EFHD2: variants seen among roughly 807,000 people sequenced by gnomAD.
EFHD2 encodes EF-hand domain family member D2, also known as EF-hand domain-containing protein D2.
A neutral mutation model predicts 20.3 loss-of-function variants in EFHD2; 12 were observed. That is an observed-to-expected ratio of 0.59 (90% CI 0.38 to 0.96). The LOEUF is 0.96. EFHD2 is among the 40% of genes least tolerant of loss of function. EFHD2 has a pLI of 0.00. For synonymous variants in EFHD2, 131 were observed against 143.9 expected, an observed-to-expected ratio of 0.91 and a Z score of 0.64; for missense variants, 250 against 334.3, an observed-to-expected ratio of 0.75 and a Z score of 1.97.
chr1:15,415,645 T>C (rs1048318271), intron 1 of EFHD2, among the ~76,000 whole-genome samples: 6 of 152,152 alleles, frequency 3.9e-5, no homozygotes, highest in Non-Finnish European at 5.9e-5. Flanking sequence ...CACACCACCA[T>C]GCCTGGCTAA....
At chr1:15,420,508 ATTATTTATTTAT>A (rs71572155) in intron 1 of EFHD2, among the ~76,000 whole-genome samples, 1 of 151,126 alleles carries the variant, frequency 6.6e-6, no homozygotes, top group Non-Finnish European at 1.5e-5. Flanking sequence ...CGCCCAGCTA[ATTATTTATTTAT>A]TTATTTATTT....
At position 15,428,778 on chromosome 1, in the gene EFHD2, G is replaced by A. The variant is rs1454602698; in HGVS notation, c.*54G>A. The A allele has an allele frequency of 3.9e-6, 6 of 1,549,458 alleles. No homozygotes were observed. The highest frequency in any genetic ancestry group is 5.2e-6 in the Non-Finnish European group (6 of 1,146,834). ...GGCCCCAGTGTGGTGGGCGAGGGTG[G>A]CGCATGGGAGGCCGAGCCTGAATCC... On this transcript the variant is annotated 3_prime_UTR_variant, in exon 4 of 4. Coordinates refer to ENST00000375980, the MANE Select transcript of EFHD2 (RefSeq NM_024329.6).
chr1:15,424,602 A>G (rs1049654711), intron 1 of EFHD2, among the ~76,000 whole-genome samples: 2 of 152,088 alleles, frequency 1.3e-5, no homozygotes, highest in Non-Finnish European at 1.5e-5. Context: ...GCACTGCACC[A>G]CACGTCCCTG....
intron 1 of EFHD2, among the ~76,000 whole-genome samples, chr1:15,421,953 G>A (rs192414235): frequency 6.6e-6 from 1 of 152,278 alleles, no homozygotes; most frequent in East Asian, 1.9e-4. Flanking sequence ...AGCTAGCTCT[G>A]TGCGCTGGGA....
intron 1 of EFHD2, among the ~76,000 whole-genome samples, chr1:15,416,695 C>T (rs199538402): frequency 6.6e-6 from 1 of 150,982 alleles, no homozygotes; most frequent in South Asian, 2.1e-4. Flanking sequence ...TGGGCCTCCC[C>T]GGCTCCAAGT....
At chr1:15,420,659 A>G (rs1444266919) in intron 1 of EFHD2, among the ~76,000 whole-genome samples, 1 of 152,164 alleles carries the variant, frequency 6.6e-6, no homozygotes, top group Admixed American at 6.6e-5. Context: ...AGCTGGAATT[A>G]CAGGTGCGTG....
chr1:15,427,219 C>T lies in EFHD2; in HGVS notation c.526C>T (p.Arg176Cys), dbSNP rs769640232. Residue 176 changes from arginine to cysteine, a missense_variant, in exon 3 of 4, where the codon CGC (arginine) becomes TGC (cysteine). Physicochemically the swap from Arg to Cys is radical, Grantham distance 180. Around this residue, in one of 3 missense-constraint regions of EFHD2, gnomAD observed 100 missense variants for 116.2 expected, o/e 0.86. Coordinates refer to ENST00000375980, the MANE Select transcript of EFHD2 (RefSeq NM_024329.6). ...QEDSGLCVLA[R>C]LSEIDVSSEG... ...GGACAGCGGGCTGTGCGTGCTGGCC[C>T]GCCTCTCTGAGATCGACGTCTCCAG... is the stretch of plus-strand genomic sequence containing the variant. 4.4e-6 allele frequency: 7 copies of T among 1,608,522 alleles called. No homozygotes were observed. Among genetic ancestry groups the T allele is most frequent in the Admixed American group, 1.7e-5 (1 of 59,092 alleles).
chr1:15,413,434 G>A lies in EFHD2; in HGVS notation c.308+3155G>A, dbSNP rs996185562. Among the ~76,000 whole-genome samples, 20 of 152,286 alleles carry A rather than the reference G, an allele frequency of 1.3e-4. No individual in the cohort carries two copies. The highest frequency in any genetic ancestry group is 8.3e-4 in the South Asian group (4 of 4,826). ...CAAAGGTCCTTCAGCCCTGACCTGC[G>A]TATGTCTGAGGGGTCCTGAGCCCTT... On this transcript the variant is annotated intron_variant, in intron 1 of 3. Transcript: ENST00000375980. The surrounding 1 kb of genome is among the most constrained non-coding windows in gnomAD (Gnocchi z 4.4).
chr1:15,410,608 C>A (rs969133898), intron 1 of EFHD2, among the ~76,000 whole-genome samples: 52 of 152,290 alleles, frequency 3.4e-4, no homozygotes, highest in African/African-American at 1.1e-3. Flanking sequence ...GAGCCCCACC[C>A]CCACCACCAC....
chr1:15,420,702 T>G (rs540005672), intron 1 of EFHD2, among the ~76,000 whole-genome samples: 1 of 152,272 alleles, frequency 6.6e-6, no homozygotes, highest in South Asian at 2.1e-4. Flanking sequence ...ACACTTTTAG[T>G]AGAGACGGAG....
rs1707433368 is a variant in EFHD2, at chr1:15,410,024, G to T, written c.53G>T (p.Gly18Val). 2 of 1,273,328 alleles carry T rather than the reference G, an allele frequency of 1.6e-6. No homozygotes were observed. Among genetic ancestry groups the T allele is most frequent in the Non-Finnish European group, 9.9e-7 (1 of 1,013,232 alleles). 78.9% of individuals were successfully genotyped at this position (1,273,328 alleles called of 1,614,324 possible). A position where few individuals can be genotyped will look rare whatever the true frequency, so the allele number is the denominator to read the frequency against. ...TKLSRRLQME[G>V]EGGGETPEQP... ...CTGAGCCGGCGGCTGCAGATGGAGG[G>T]CGAGGGCGGCGGCGAGACCCCGGAG... Residue 18 changes from glycine (G) to valine (V), a missense_variant, in exon 1 of 4, where the codon GGC becomes GTC. Coordinates refer to ENST00000375980, the MANE Select transcript of EFHD2 (RefSeq NM_024329.6).
At position 15,413,882 on chromosome 1, in the gene EFHD2, A is replaced by C. The variant is rs990021239; in HGVS notation, c.308+3603A>C. Among the ~76,000 whole-genome samples the C allele has an allele frequency of 4.6e-5, 7 of 152,118 alleles. No homozygotes were observed. The highest frequency in any genetic ancestry group is 1.7e-4 in the African/African-American group (7 of 41,426). ...CTGGCCCTCGCAGCCAGGACTCTCC[A>C]TCCCCGTCTCCGTGCGGCCTCAGGC... On this transcript the variant is annotated intron_variant, in intron 1 of 3. Transcript: ENST00000375980. The surrounding 1 kb of genome is among the most constrained non-coding windows in gnomAD (Gnocchi z 4.4).
Position 15,428,589 on chromosome 1 carries a change from G to A in EFHD2, c.592-4G>A, listed in dbSNP as rs965563927. 6 of 1,610,088 alleles carry A rather than the reference G, an allele frequency of 3.7e-6. No homozygotes were observed. The highest frequency in any genetic ancestry group is 4.5e-5 in the East Asian group (2 of 44,794). On this transcript the variant is annotated splice_polypyrimidine_tract_variant and splice_region_variant and intron_variant, in intron 3 of 3. Coordinates refer to ENST00000375980, the MANE Select transcript of EFHD2 (RefSeq NM_024329.6). Reference sequence around the variant, plus strand: ...CTGACCCCCTCACCCCCATGCCCCCGCAGGTCCAGGCCATCAACGTGTCCA... The same window carrying A: ...CTGACCCCCTCACCCCCATGCCCCCACAGGTCCAGGCCATCAACGTGTCCA...
In EFHD2 at chr1:15,427,111, C is replaced by T. The variant is rs759090901; in HGVS notation, c.457-39C>T. 6 of 1,602,232 alleles carry T rather than the reference C, an allele frequency of 3.7e-6. No homozygotes were observed. The South Asian group carries it at 5.6e-5, about 15-fold the overall frequency. On this transcript the variant is annotated intron_variant, in intron 2 of 3. Transcript: ENST00000375980. The stretch of plus-strand genomic sequence containing the variant: ...CAGGGACTCCGGCTCCCCTCCTTCC[C>T]TCCCTTCCTGACACCGCGCGCCTCC...
rs750077636 is a variant in EFHD2 at position 15,410,070 on chromosome 1, A to AGCG, written c.113_115dup (p.Ala38dup). 26 of 1,377,280 alleles carry AGCG rather than the reference A, an allele frequency of 1.9e-5. No individual in the cohort carries two copies. Among genetic ancestry groups the AGCG allele is most frequent in the Admixed American group, 8.2e-5 (2 of 24,524 alleles). 85.3% of individuals were successfully genotyped at this position (1,377,280 alleles called of 1,614,324 possible). On this transcript the variant is annotated inframe_insertion, in exon 1 of 4. Transcript: ENST00000375980. The stretch of plus-strand genomic sequence containing the variant: ...CGGAGCAGCCCGGGCTGAACGGGGC[A>AGCG]GCGGCGGCGGCGGCGGGGGCACCCG...
Position 15,409,936 on chromosome 1 carries a change from A to G in EFHD2, c.-36A>G, listed in dbSNP as rs940310003. On this transcript the variant is annotated 5_prime_UTR_variant, in exon 1 of 4. Coordinates refer to ENST00000375980, the MANE Select transcript of EFHD2 (RefSeq NM_024329.6). ...CGGCCGGCGGCGCTGCGCTGAGAGC[A>G]GGGGCCCGGCCAAGGCGAGTGCCGC... 4.1e-6 allele frequency: 5 copies of G among 1,217,476 alleles called. 1 individual carries two copies. Among genetic ancestry groups the G allele is most frequent in the East Asian group, 7.0e-5 (2 of 28,546 alleles). 75.4% of individuals were successfully genotyped at this position (1,217,476 alleles called of 1,614,324 possible).
Position 15,421,391 on chromosome 1 carries a change from C to T in EFHD2, c.309-4480C>T, listed in dbSNP as rs145805865. On this transcript the variant is annotated intron_variant, in intron 1 of 3. Coordinates refer to ENST00000375980, the MANE Select transcript of EFHD2 (RefSeq NM_024329.6). ...CCACGGCTACCTCTGGGGGCTTCAC[C>T]GCCCACCCCAGCACCTGGCCTCTCG... Among the ~76,000 whole-genome samples the T allele has an allele frequency of 2.4e-3, 372 of 152,282 alleles. 3 individuals are homozygous for T. Among genetic ancestry groups the T allele is most frequent in the African/African-American group, 8.4e-3 (347 of 41,544 alleles).
chr1:15,428,115 C>T (rs530920731), intron 3 of EFHD2: 1 of 409,694 alleles, frequency 2.4e-6, no homozygotes, highest in African/African-American at 2.1e-5. Context: ...AGTGCCTGAC[C>T]CAGGGCCAGA....
rs547557782 is a variant in EFHD2, at chr1:15,413,940, C to T, written c.308+3661C>T. 4.7e-4 allele frequency among the ~76,000 whole-genome samples: 71 copies of T among 152,338 alleles called. No individual in the cohort carries two copies. Among genetic ancestry groups the T allele is most frequent in the African/African-American group, 1.6e-3 (65 of 41,574 alleles). On this transcript the variant is annotated intron_variant, in intron 1 of 3. Transcript: ENST00000375980. The surrounding 1 kb of genome is among the most constrained non-coding windows in gnomAD (Gnocchi z 4.4). ...AGCATCTCTGATCCCCCAGCTGCTC[C>T]CTCCCTCTCTTTGCTCCTCCAGGGC...
Sources: gnomAD v4.1 joint callset for allele counts (sites outside exome capture counted in the v4.1 genomes callset) on GRCh38, gnomAD v4.1.1 for gene constraint, gnomAD v4.1.1 regional missense constraint, Gnocchi (gnomAD v3.1) non-coding constraint, MANE v1.5 for transcripts, NCBI Gene and HGNC (gene_info 2026-07-23, HGNC 2026-07-21) for gene names.